The following DNAJC3 variants were observed in gnomAD, a reference collection of about 807,000 sequenced individuals.
The protein encoded by DNAJC3 is DnaJ heat shock protein family (Hsp40) member C3.
Under a neutral mutation model 68.6 loss-of-function variants are expected in DNAJC3, and 38 were observed. That is an observed-to-expected ratio of 0.55 (90% CI 0.43 to 0.73). DNAJC3 has a LOEUF of 0.73. Among genes scored for constraint, DNAJC3 ranks in the 30% least tolerant of loss-of-function variants. DNAJC3 has a pLI of 0.00. For synonymous variants in DNAJC3, 203 were observed against 204.0 expected, an observed-to-expected ratio of 1.00 and a Z score of 0.04; for missense variants, 526 against 591.9, an observed-to-expected ratio of 0.89 and a Z score of 1.16.
intron 9 of DNAJC3, among the ~76,000 whole-genome samples, chr13:95,768,703 G>A (rs1281360869): frequency 3.9e-5 from 6 of 152,000 alleles, no homozygotes; most frequent in South Asian, 4.1e-4. Flanking sequence ...GGCCAGGCAC[G>A]GTGGCTCATG....
intron 7 of DNAJC3, among the ~76,000 whole-genome samples, chr13:95,762,149 C>T (rs1013107738): frequency 6.6e-6 from 1 of 152,116 alleles, no homozygotes; most frequent in African/African-American, 2.4e-5. Flanking sequence ...GTAATCCCAG[C>T]TACTGCGGAG....
intron 4 of DNAJC3, among the ~76,000 whole-genome samples, chr13:95,732,785 T>TTA (rs1566489011): frequency 6.6e-6 from 1 of 152,050 alleles, no homozygotes; most frequent in Non-Finnish European, 1.5e-5. Context: ...ATCTTTTTTT[T>TTA]TATATATGTG....
intron 9 of DNAJC3, among the ~76,000 whole-genome samples, chr13:95,764,375 C>CTCTCTCTATA (rs1363565634): frequency 8.1e-6 from 1 of 124,022 alleles, no homozygotes; most frequent in African/African-American, 3.2e-5. Flanking sequence ...CTCTCTCTCT[C>CTCTCTCTATA]TATATATATA....
chr13:95,771,459 G>T lies in DNAJC3; in HGVS notation c.1075+7506G>T, dbSNP rs1483458236. ...ACAAATGGGGATTTATAACCAAGGA[G>T]CAGAGTTGGGGGTCAGTGGGTGGGA... On this transcript the variant is annotated intron_variant, in intron 9 of 11. Transcript: ENST00000602402. 3.3e-5 allele frequency among the ~76,000 whole-genome samples: 5 copies of T among 152,286 alleles called. No individual in the cohort carries two copies. The East Asian group carries it at 7.7e-4, about 24-fold the overall frequency.
At chr13:95,745,888 T>A (rs1022357610) in intron 4 of DNAJC3, 2 of 152,210 alleles carry the variant, frequency 1.3e-5, no homozygotes, top group South Asian at 4.1e-4. Flanking sequence ...AGATTTGACT[T>A]TGTACTTCAG....
chr13:95,745,380 T>C (rs1882271239), intron 4 of DNAJC3: 1 of 152,210 alleles, frequency 6.6e-6, no homozygotes, highest in Admixed American at 6.5e-5. Context: ...CACACGTCTA[T>C]CGTAAGAACT....
rs1272454340 is a variant in DNAJC3 at position 95,792,826 on chromosome 13, A to G, written c.*1796A>G. 1.3e-5 allele frequency: 2 copies of G among 152,132 alleles called. No individual in the cohort carries two copies. Among genetic ancestry groups the G allele is most frequent in the East Asian group, 1.9e-4 (1 of 5,196 alleles). The allele number at this position is 152,132 out of a possible 1,614,324, so 9.4% of individuals were successfully genotyped here. On this transcript the variant is annotated 3_prime_UTR_variant, in exon 12 of 12. Transcript: ENST00000602402. ...GGCTATGTCAGCAATATCTTTTTCAATCTGGTTCCTTTTGTATATGATGTC... is the reference window on the plus strand; with the variant it reads ...GGCTATGTCAGCAATATCTTTTTCAGTCTGGTTCCTTTTGTATATGATGTC...
At chr13:95,709,484 A>G in intron 2 of DNAJC3, 147 bp downstream of exon 2, 1 of 596,364 alleles carries the variant, frequency 1.7e-6, no homozygotes, top group Non-Finnish European at 2.8e-6. Context: ...AGCGAAATAG[A>G]TGGATAAAAT....
chr13:95,703,958 A>T (rs143984767), intron 1 of DNAJC3, among the ~76,000 whole-genome samples: 34 of 152,262 alleles, frequency 2.2e-4, no homozygotes, highest in African/African-American at 7.9e-4. Context: ...AAGTAGTATG[A>T]CATGCCCTAG....
intron 1 of DNAJC3, among the ~76,000 whole-genome samples, chr13:95,690,442 C>T (rs879278517): frequency 5.3e-5 from 8 of 151,174 alleles, no homozygotes; most frequent in South Asian, 2.1e-4. Context: ...ACCTTTCCCC[C>T]CTTTCTATTC....
chr13:95,678,818 A>G (rs1879836955), intron 1 of DNAJC3, among the ~76,000 whole-genome samples: 2 of 152,118 alleles, frequency 1.3e-5, no homozygotes, highest in South Asian at 4.1e-4. Context: ...ATGAGTCTGT[A>G]AGGACTCTTA....
At chr13:95,685,173 G>C (rs1305189151) in intron 1 of DNAJC3, among the ~76,000 whole-genome samples, 2 of 152,244 alleles carry the variant, frequency 1.3e-5, no homozygotes, top group African/African-American at 4.8e-5. Flanking sequence ...CAGCAGCCGC[G>C]TGGGCTGAGC....
chr13:95,751,059 G>A (rs1349719021), intron 4 of DNAJC3, among the ~76,000 whole-genome samples: 2 of 152,064 alleles, frequency 1.3e-5, no homozygotes, highest in African/African-American at 4.8e-5. Flanking sequence ...ACATAGTGAG[G>A]CCATGTCTCT....
chr13:95,760,011 C>G, intron 5 of DNAJC3, 29 bp from the exon 6 acceptor site: 1 of 1,530,790 alleles, frequency 6.5e-7, no homozygotes. Context: ...TTTATTCTTT[C>G]TTAAAGTCTA....
intron 1 of DNAJC3, among the ~76,000 whole-genome samples, chr13:95,696,857 C>T (rs967688395): frequency 3.9e-5 from 6 of 152,166 alleles, no homozygotes; most frequent in East Asian, 3.9e-4. Context: ...GCCATTTTCC[C>T]GCCTCAGCCT....
At chr13:95,677,671 C>T (rs1879797833) in intron 1 of DNAJC3, among the ~76,000 whole-genome samples, 1 of 152,196 alleles carries the variant, frequency 6.6e-6, no homozygotes. Context: ...GTCCTGGCCT[C>T]GCTTGGGACC....
intron 4 of DNAJC3, among the ~76,000 whole-genome samples, chr13:95,752,847 A>C (rs1882523277): frequency 6.6e-6 from 1 of 152,156 alleles, no homozygotes; most frequent in Non-Finnish European, 1.5e-5. Flanking sequence ...CTTTAAGGTT[A>C]TGGGTATTTT....
chr13:95,689,177 C>T (rs1880159064), intron 1 of DNAJC3, among the ~76,000 whole-genome samples: 1 of 149,226 alleles, frequency 6.7e-6, no homozygotes, highest in Non-Finnish European at 1.5e-5. Flanking sequence ...AGATTGGTAA[C>T]CAGCTCTTTG....
At chr13:95,778,095 C>T (rs1883337592) in intron 9 of DNAJC3, among the ~76,000 whole-genome samples, 1 of 152,142 alleles carries the variant, frequency 6.6e-6, no homozygotes, top group Admixed American at 6.5e-5. Flanking sequence ...GATGGCCATG[C>T]TGCCCAGAGT....
Sources: allele counts gnomAD v4.1 joint callset (sites outside exome capture counted in the v4.1 genomes callset), GRCh38; gene constraint gnomAD v4.1.1; transcripts MANE v1.5; gene names NCBI Gene and HGNC (gene_info 2026-07-23, HGNC 2026-07-21).